STEAP3: variants seen among roughly 807,000 people sequenced by gnomAD.
STEAP3 encodes metalloreductase STEAP3.
Under a neutral mutation model 34.9 loss-of-function variants are expected in STEAP3, and 35 were observed. That is an observed-to-expected ratio of 1.00 (90% CI 0.76 to 1.33). STEAP3 has a LOEUF of 1.33. Among genes scored for constraint, STEAP3 ranks in the 40% most tolerant of loss-of-function variants. The probability of loss-of-function intolerance (pLI) is 0.00; values close to 1 mark genes in which losing one functional copy is unlikely to be tolerated. For missense variants in STEAP3, 652 were observed against 667.6 expected (o/e 0.98, Z 0.26); for synonymous variants, 281 against 301.6 (o/e 0.93, Z 0.71).
chr2:119,231,230 A>G (rs1676924532), intron 2 of STEAP3, among the ~76,000 whole-genome samples, 196 bp downstream of exon 2: 1 of 152,214 alleles, frequency 6.6e-6, no homozygotes, highest in Admixed American at 6.5e-5. Context: ...GAAATGGGAA[A>G]TATGTATCAG....
At chr2:119,256,280 C>A (rs1449072215) in intron 5 of STEAP3, among the ~76,000 whole-genome samples, 1 of 152,200 alleles carries the variant, frequency 6.6e-6, no homozygotes, top group Non-Finnish European at 1.5e-5. Flanking sequence ...CTCCCTGGCT[C>A]TGCTCATCTC....
intron 2 of STEAP3, among the ~76,000 whole-genome samples, chr2:119,231,389 G>T (rs1676932519): frequency 6.7e-6 from 1 of 149,760 alleles, no homozygotes; most frequent in South Asian, 2.1e-4. Flanking sequence ...GTGTGTTTAA[G>T]GATGTTAATG....
intron 4 of STEAP3, among the ~76,000 whole-genome samples, chr2:119,253,180 A>G (rs1349676913): frequency 6.6e-6 from 1 of 152,210 alleles, no homozygotes; most frequent in East Asian, 1.9e-4. Context: ...CCTCCTAGGT[A>G]GAGAAACTGA....
chr2:119,240,454 G>C (rs922772921), intron 2 of STEAP3, among the ~76,000 whole-genome samples: 2 of 152,182 alleles, frequency 1.3e-5, no homozygotes, highest in African/African-American at 4.8e-5. Flanking sequence ...CAAACCCTCC[G>C]TGGCCACAGC....
Position 119,254,768 on chromosome 2 carries a change from G to A in STEAP3, c.1135G>A (p.Gly379Ser), listed in dbSNP as rs188660715. The A allele has an allele frequency of 8.7e-6, 14 of 1,614,024 alleles. No individual in the cohort carries two copies. Among genetic ancestry groups the A allele is most frequent in the South Asian group, 1.1e-5 (1 of 91,080 alleles). The change falls in exon 5 of 6, where the codon GGC (glycine) becomes AGC (serine). Residue 379 changes from glycine to serine, a missense_variant. Transcript: ENST00000393110. ...CCTCTCCCTGGGAGTGCTGGCCCTC[G>A]GCACGTTGTCCCTGCTGGCCGTGAC... is the stretch of plus-strand genomic sequence containing the variant. ...IYLSLGVLAL[G>S]TLSLLAVTSL...
chr2:119,255,773 A>G (rs1455542704), intron 5 of STEAP3, among the ~76,000 whole-genome samples: 1 of 152,028 alleles, frequency 6.6e-6, no homozygotes, highest in Non-Finnish European at 1.5e-5. Flanking sequence ...TCCACAGAAC[A>G]TACTCTGGGA....
intron 4 of STEAP3, chr2:119,248,498 G>C (rs892155096): frequency 5.1e-6 from 2 of 395,898 alleles, no homozygotes; most frequent in Non-Finnish European, 9.0e-6. Context: ...GGAGTGCTAA[G>C]GCGCAAAGGA....
Position 119,257,102 on chromosome 2 carries a change from C to G in STEAP3, c.1215+2254C>G, listed in dbSNP as rs76653369. Reference sequence around the variant, plus strand: ...CAGTGTTTGCAAACTGGCGGACACTCACTAGTGGGTCATGCAATTGATTCC... The same window carrying G: ...CAGTGTTTGCAAACTGGCGGACACTGACTAGTGGGTCATGCAATTGATTCC... On this transcript the variant is annotated intron_variant, in intron 5 of 5. Coordinates refer to ENST00000393110, the MANE Select transcript of STEAP3 (RefSeq NM_182915.3). 4.7e-4 allele frequency among the ~76,000 whole-genome samples: 71 copies of G among 152,234 alleles called. No individual in the cohort carries two copies. In the East Asian group the frequency reaches 5.8e-3, roughly 12 times the overall value.
Position 119,223,866 on chromosome 2 carries a change from G to T in STEAP3, c.-416G>T, listed in dbSNP as rs951757979. On this transcript the variant is annotated 5_prime_UTR_variant, in exon 1 of 6. Coordinates refer to ENST00000393110, the MANE Select transcript of STEAP3 (RefSeq NM_182915.3). ...CCGCGGACCTTCAGCTGCCGCGGTC[G>T]CTCCGAGCGGCGGGCCGCAGAGGTG... 2.6e-5 allele frequency: 4 copies of T among 152,232 alleles called. No individual in the cohort carries two copies. The highest frequency in any genetic ancestry group is 9.6e-5 in the African/African-American group (4 of 41,454). The allele number at this position is 152,232 out of a possible 1,614,324, so 9.4% of individuals were successfully genotyped here.
At chr2:119,227,312 G>A (rs1008106263) in intron 1 of STEAP3, among the ~76,000 whole-genome samples, 11 of 152,192 alleles carry the variant, frequency 7.2e-5, no homozygotes, top group Admixed American at 2.0e-4. Context: ...AAACTCTTGC[G>A]TTGTCACTTC....
At chr2:119,248,503 A>C in intron 4 of STEAP3, 1 of 377,580 alleles carries the variant, frequency 2.6e-6, no homozygotes, top group East Asian at 4.7e-5. Flanking sequence ...GCTAAGGCGC[A>C]AAGGAAAGCA....
chr2:119,249,182 G>A (rs1346976606), intron 4 of STEAP3: 1 of 152,194 alleles, frequency 6.6e-6, no homozygotes, highest in African/African-American at 2.4e-5. Flanking sequence ...TGTTTTACTG[G>A]GGGTGGCACT....
In STEAP3 at chr2:119,263,248, C is replaced by T; in HGVS notation, c.1407C>T (p.Ala469=). 1 of 1,614,146 alleles carries T rather than the reference C, an allele frequency of 6.2e-7. No individual in the cohort carries two copies. The highest frequency in any genetic ancestry group is 2.2e-5 in the East Asian group (1 of 44,878). ...TGCCCTGCATCAGCCGCAGACTCGC[C>T]AGGATCCGGAGAGGCTGGGAGAGGG... is the stretch of plus-strand genomic sequence containing the variant. ...FLLPCISRRL[A]RIRRGWERES... Residue 469 remains alanine (A), a synonymous_variant, in exon 6 of 6, where the codon GCC becomes GCT. Coordinates refer to ENST00000393110, the MANE Select transcript of STEAP3 (RefSeq NM_182915.3).
At chr2:119,241,633 G>A (rs1359463579) in intron 2 of STEAP3, among the ~76,000 whole-genome samples, 1 of 152,180 alleles carries the variant, frequency 6.6e-6, no homozygotes, top group African/African-American at 2.4e-5. Context: ...GCCACCCAGA[G>A]AGGCCCAGGG....
chr2:119,236,566 T>C (rs1031810401), intron 2 of STEAP3, among the ~76,000 whole-genome samples: 15 of 152,104 alleles, frequency 9.9e-5, no homozygotes, highest in South Asian at 4.2e-4. Context: ...CAGTGACCAA[T>C]TGTGGCTTCA....
chr2:119,256,856 C>A (rs1677789057), intron 5 of STEAP3, among the ~76,000 whole-genome samples: 1 of 152,206 alleles, frequency 6.6e-6, no homozygotes, highest in Admixed American at 6.5e-5. Flanking sequence ...TCAGTTTACA[C>A]CCCTGAAAAA....
At chr2:119,261,024 T>A (rs1229669143) in intron 5 of STEAP3, among the ~76,000 whole-genome samples, 2 of 152,216 alleles carry the variant, frequency 1.3e-5, no homozygotes, top group Non-Finnish European at 2.9e-5. Context: ...AATTGTAGTG[T>A]GCAGCCATTG....
intron 1 of STEAP3, among the ~76,000 whole-genome samples, chr2:119,229,897 A>C (rs1558741335): frequency 1.3e-5 from 2 of 152,094 alleles, no homozygotes; most frequent in Admixed American, 6.5e-5. Context: ...GAGATTCAGG[A>C]ATCTAGCCCT....
intron 2 of STEAP3, among the ~76,000 whole-genome samples, chr2:119,234,176 C>T (rs62157661): frequency 6.6e-6 from 1 of 151,994 alleles, no homozygotes; most frequent in Non-Finnish European, 1.5e-5. Flanking sequence ...CTGCCCTTTC[C>T]TAACCCCACG....
Sources: allele counts gnomAD v4.1 joint callset (sites outside exome capture counted in the v4.1 genomes callset), GRCh38; gene constraint gnomAD v4.1.1; transcripts MANE v1.5; gene names NCBI Gene and HGNC (gene_info 2026-07-23, HGNC 2026-07-21).